Variants in SLC14A2 observed in about 807,000 individuals in gnomAD.
SLC14A2 encodes the protein urea transporter 2.
In SLC14A2, 91 loss-of-function variants were observed where a neutral mutation model predicts 104.6. The observed-to-expected ratio is 0.87, with a 90% CI of 0.73 to 1.04. SLC14A2 has a LOEUF of 1.04. Among genes scored for constraint, SLC14A2 ranks in the 50% least tolerant of loss-of-function variants. SLC14A2 has a pLI of 0.00. For synonymous variants in SLC14A2, 476 were observed against 466.4 expected (o/e 1.02, Z -0.27); for missense variants, 1,189 against 1,156.0 (o/e 1.03, Z -0.41).
intron 1 of SLC14A2, among the ~76,000 whole-genome samples, chr18:45,274,276 G>A (rs753318513): frequency 2.0e-5 from 3 of 152,134 alleles, no homozygotes; most frequent in Non-Finnish European, 4.4e-5. Context: ...TCTTGTTAAC[G>A]AGGCTAAACA....
At position 45,668,341 on chromosome 18, in the gene SLC14A2, C is replaced by T; in HGVS notation, c.1908-8C>T. On this transcript the variant is annotated splice_region_variant and splice_polypyrimidine_tract_variant and intron_variant, in intron 14 of 19. Coordinates refer to ENST00000255226, the MANE Select transcript of SLC14A2 (RefSeq NM_007163.4). ...CCCTGCTCCACCTGACCCTCCCTCTCCTGCCAGGTCGGCCATCGCTGCAGG... is the reference window on the plus strand; with the variant it reads ...CCCTGCTCCACCTGACCCTCCCTCTTCTGCCAGGTCGGCCATCGCTGCAGG... 1.9e-6 allele frequency: 3 copies of T among 1,613,914 alleles called. No individual in the cohort carries two copies. Among genetic ancestry groups the T allele is most frequent in the Non-Finnish European group, 2.5e-6 (3 of 1,179,952 alleles).
intron 2 of SLC14A2, chr18:45,483,483 G>C (rs993216010): frequency 6.6e-6 from 1 of 151,894 alleles, no homozygotes; most frequent in Non-Finnish European, 1.5e-5. Context: ...TCTCCTCCTT[G>C]AGTCTTCCCC....
intron 2 of SLC14A2, among the ~76,000 whole-genome samples, chr18:45,552,030 A>G (rs1468502242): frequency 1.3e-5 from 2 of 152,188 alleles, no homozygotes; most frequent in African/African-American, 4.8e-5. Flanking sequence ...AAACCCTTCT[A>G]TTTTGTAGCT....
upstream of SLC14A2, among the ~76,000 whole-genome samples, chr18:45,208,018 C>G (rs1421043726): frequency 6.6e-6 from 1 of 152,160 alleles, no homozygotes; most frequent in Non-Finnish European, 1.5e-5. Flanking sequence ...AGCCATAAAA[C>G]TGGGACCCAA....
At chr18:45,170,973 A>C in the SLC14A2 span, among the ~76,000 whole-genome samples, 3 of 152,174 alleles carry the variant, frequency 2.0e-5, no homozygotes, top group Non-Finnish European at 4.4e-5. Flanking sequence ...AGTTAGGGAA[A>C]TCAGACAGAC....
chr18:45,592,812 G>A (rs1193728632), intron 2 of SLC14A2, among the ~76,000 whole-genome samples: 1 of 152,200 alleles, frequency 6.6e-6, no homozygotes, highest in Non-Finnish European at 1.5e-5. Flanking sequence ...GCTCTCCCAT[G>A]TCTGGGTTAT....
At chr18:45,181,661 G>A in the SLC14A2 span, among the ~76,000 whole-genome samples, 234 of 152,102 alleles carry the variant, frequency 1.5e-3, no homozygotes, top group Non-Finnish European at 2.3e-3. Flanking sequence ...AAAATTAAAA[G>A]AAATTGCACA....
chr18:45,350,531 A>T (rs1372924286), intron 1 of SLC14A2, among the ~76,000 whole-genome samples: 9 of 152,172 alleles, frequency 5.9e-5, no homozygotes, highest in Non-Finnish European at 1.2e-4. Flanking sequence ...TATCTGGGCA[A>T]CAATCAATAG....
intron 1 of SLC14A2, among the ~76,000 whole-genome samples, chr18:45,397,848 C>T (rs1051263986): frequency 7.9e-5 from 12 of 151,786 alleles, no homozygotes; most frequent in East Asian, 7.7e-4. Flanking sequence ...AAAGAGATAC[C>T]GAGAAAATTT....
chr18:45,558,931 C>T (rs1354658284), intron 2 of SLC14A2, among the ~76,000 whole-genome samples: 1 of 152,130 alleles, frequency 6.6e-6, no homozygotes. Context: ...GCTGGGACTA[C>T]AGGTGTGCAC....
At chr18:45,449,003 G>A (rs537138339) in intron 1 of SLC14A2, among the ~76,000 whole-genome samples, 21 of 152,268 alleles carry the variant, frequency 1.4e-4, no homozygotes, top group African/African-American at 4.8e-4. Flanking sequence ...CATGTGGAGC[G>A]GACATAAGCA....
intron 1 of SLC14A2, among the ~76,000 whole-genome samples, chr18:45,363,481 A>T (rs963662078): frequency 6.6e-6 from 1 of 151,918 alleles, no homozygotes; most frequent in Non-Finnish European, 1.5e-5. Context: ...CCACTGGGGG[A>T]TCTAAAAAGC....
At chr18:45,202,771 A>G in the SLC14A2 span, among the ~76,000 whole-genome samples, 1 of 151,648 alleles carries the variant, frequency 6.6e-6, no homozygotes, top group Non-Finnish European at 1.5e-5. Flanking sequence ...AAGTATGCTC[A>G]TGTACCAACA....
At position 45,647,809 on chromosome 18, in the gene SLC14A2, T is replaced by A. The variant is rs1353826869; in HGVS notation, c.1351+3649T>A. ...GATTTTTTTAACTTTGTATATCTAG[T>A]TTTATTGGATTATGAGCAGAAAACA... On this transcript the variant is annotated intron_variant, in intron 10 of 19. Coordinates refer to ENST00000255226, the MANE Select transcript of SLC14A2 (RefSeq NM_007163.4). 3 of 152,158 alleles carry A rather than the reference T, an allele frequency of 2.0e-5. No homozygotes were observed. In the East Asian group the frequency reaches 5.8e-4, roughly 29 times the overall value. 9.4% of individuals were successfully genotyped at this position (152,158 alleles called of 1,614,324 possible).
At chr18:45,439,938 A>G (rs1009839085) in intron 1 of SLC14A2, among the ~76,000 whole-genome samples, 2 of 152,240 alleles carry the variant, frequency 1.3e-5, no homozygotes, top group African/African-American at 2.4e-5. Context: ...ATTTCCTTAC[A>G]GGAGAGTAAT....
intron 5 of SLC14A2, among the ~76,000 whole-genome samples, chr18:45,632,913 G>C (rs985310818): frequency 1.3e-5 from 2 of 152,292 alleles, no homozygotes; most frequent in East Asian, 1.9e-4. Flanking sequence ...TCCTGACCTC[G>C]TGATCCACCT....
intron 1 of SLC14A2, among the ~76,000 whole-genome samples, chr18:45,335,417 T>C (rs563972941): frequency 2.2e-4 from 33 of 152,328 alleles, no homozygotes; most frequent in African/African-American, 7.5e-4. Context: ...TGAAGGTAGA[T>C]TGATTGACTG....
chr18:45,358,199 G>T (rs562938808), intron 1 of SLC14A2, among the ~76,000 whole-genome samples: 1 of 152,146 alleles, frequency 6.6e-6, no homozygotes, highest in African/African-American at 2.4e-5. Context: ...AAACCAGCTT[G>T]GTTTCCCTGG....
At chr18:45,215,535 A>T (rs772065825) in intron 1 of SLC14A2, among the ~76,000 whole-genome samples, 2 of 152,258 alleles carry the variant, frequency 1.3e-5, no homozygotes, top group South Asian at 4.1e-4. Flanking sequence ...TCATCACATC[A>T]TAAGAAGTCA....
Sources: allele counts gnomAD v4.1 joint callset (sites outside exome capture counted in the v4.1 genomes callset), GRCh38; gene constraint gnomAD v4.1.1; transcripts MANE v1.5; gene names NCBI Gene and HGNC (gene_info 2026-07-23, HGNC 2026-07-21).